The following PKHD1 variants were observed in gnomAD, a reference collection of about 807,000 sequenced individuals.
PKHD1 encodes fibrocystin.
Under a neutral mutation model 412.0 loss-of-function variants are expected in PKHD1, and 291 were observed. The observed-to-expected ratio is 0.71, with a 90% CI of 0.64 to 0.78. The LOEUF (loss-of-function observed/expected upper bound fraction) is 0.78. Ranked by LOEUF, PKHD1 falls within the 30% of genes least tolerant of loss-of-function variation. PKHD1 has a pLI of 0.00. For missense variants in PKHD1, 4,825 were observed against 4,950.7 expected (o/e 0.97, Z 0.76); for synonymous variants, 1,777 against 1,821.5 (o/e 0.98, Z 0.62).
intron 60 of PKHD1, among the ~76,000 whole-genome samples, chr6:51,719,382 C>G (rs564561194): frequency 6.6e-6 from 1 of 152,206 alleles, no homozygotes; most frequent in South Asian, 2.1e-4. Context: ...GGGTTTCTCA[C>G]CCTTGCCTAT....
chr6:51,625,281 G>A (rs554683763), intron 66 of PKHD1, among the ~76,000 whole-genome samples: 74 of 152,078 alleles, frequency 4.9e-4, no homozygotes, highest in Non-Finnish European at 8.2e-4. Flanking sequence ...AAACACAGAG[G>A]GAAAAGGGAA....
intron 55 of PKHD1, among the ~76,000 whole-genome samples, chr6:51,768,335 A>T (rs892086045): frequency 1.3e-5 from 2 of 152,064 alleles, no homozygotes; most frequent in African/African-American, 4.8e-5. Flanking sequence ...TAGATTTGAC[A>T]TCTTTAAAAT....
chr6:51,959,770 C>G, intron 36 of PKHD1, 100 bp downstream of exon 36: 1 of 1,103,076 alleles, frequency 9.1e-7, no homozygotes, highest in East Asian at 2.4e-5. Context: ...AAATTGTCAA[C>G]TAAGTTCTGG....
intron 35 of PKHD1, among the ~76,000 whole-genome samples, chr6:51,974,206 T>G (rs569796150): frequency 6.6e-6 from 1 of 152,284 alleles, no homozygotes; most frequent in South Asian, 2.1e-4. Context: ...AAAGTAGTGT[T>G]TGTTTGTTTG....
chr6:51,971,697 GT>G (rs970369082), intron 35 of PKHD1, among the ~76,000 whole-genome samples: 1 of 137,132 alleles, frequency 7.3e-6, no homozygotes, highest in African/African-American at 2.7e-5. Context: ...TTTTGGGTTG[GT>G]TTTTTTTGCT....
chr6:51,915,000 T>A (rs1289711337), intron 37 of PKHD1, among the ~76,000 whole-genome samples: 1 of 152,104 alleles, frequency 6.6e-6, no homozygotes, highest in Non-Finnish European at 1.5e-5. Flanking sequence ...ACATCTGGGA[T>A]TTAGGCATTC....
chr6:52,069,447 G>C lies in PKHD1; in HGVS notation c.778+10C>G, dbSNP rs1365502451. On this transcript the variant is annotated intron_variant, in intron 11 of 66. Coordinates refer to ENST00000371117, the MANE Select transcript of PKHD1 (RefSeq NM_138694.4). ...CAAGGGAAGGGGTACTTGGTGAAGG[G>C]GGATAGTACCTGAGTGTGTCTGGTA... 24 of 1,591,774 alleles carry C rather than the reference G, an allele frequency of 1.5e-5. No individual in the cohort carries two copies. Among genetic ancestry groups the C allele is most frequent in the Non-Finnish European group, 2.0e-5 (23 of 1,159,610 alleles).
At chr6:51,629,239 C>A (rs904813420) in intron 65 of PKHD1, among the ~76,000 whole-genome samples, 1 of 152,090 alleles carries the variant, frequency 6.6e-6, no homozygotes, top group East Asian at 1.9e-4. Context: ...TAAAGAGCTT[C>A]TTCACAGCAA....
chr6:51,834,309 A>T (rs1281537767), intron 51 of PKHD1, among the ~76,000 whole-genome samples: 1 of 152,176 alleles, frequency 6.6e-6, no homozygotes, highest in Non-Finnish European at 1.5e-5. Context: ...GGGCTGCCTG[A>T]TTCTCAGAGA....
intron 60 of PKHD1, among the ~76,000 whole-genome samples, chr6:51,735,428 T>C (rs1384194461): frequency 6.6e-6 from 1 of 152,224 alleles, no homozygotes; most frequent in African/African-American, 2.4e-5. Context: ...TGGAATGCAC[T>C]AGATAATGGC....
rs562086687 is a variant in PKHD1 at position 51,901,371 on chromosome 6, G to T, written c.6996+2226C>A. On this transcript the variant is annotated intron_variant, in intron 43 of 66. Coordinates refer to ENST00000371117, the MANE Select transcript of PKHD1 (RefSeq NM_138694.4). Reference sequence around the variant, plus strand: ...AATGATGAGTTCATGTCCTTTGTAGGGACATGGATGAAATTGGAAATCATC... The same window carrying T: ...AATGATGAGTTCATGTCCTTTGTAGTGACATGGATGAAATTGGAAATCATC... Among the ~76,000 whole-genome samples, 11 of 152,190 alleles carry T rather than the reference G, an allele frequency of 7.2e-5. No homozygotes were observed. In the South Asian group the frequency reaches 1.7e-3, roughly 23 times the overall value.
intron 63 of PKHD1, among the ~76,000 whole-genome samples, chr6:51,639,919 ACT>A (rs756340901): frequency 6.8e-4 from 104 of 152,310 alleles, no homozygotes; most frequent in Non-Finnish European, 1.3e-3. Flanking sequence ...TTGTGAAAAC[ACT>A]GTCTTTCTTC....
intron 55 of PKHD1, among the ~76,000 whole-genome samples, chr6:51,763,863 G>A (rs1213796897): frequency 6.6e-6 from 1 of 151,720 alleles, no homozygotes; most frequent in Non-Finnish European, 1.5e-5. Flanking sequence ...GTACAAGTAT[G>A]ATAATAAGTG....
intron 49 of PKHD1, among the ~76,000 whole-genome samples, chr6:51,855,181 T>C (rs1773059943): frequency 6.6e-6 from 1 of 152,244 alleles, no homozygotes; most frequent in Non-Finnish European, 1.5e-5. Flanking sequence ...CCCGTGTGGC[T>C]CTCAGGTGGG....
rs529028132 is a variant in PKHD1 at position 51,671,609 on chromosome 6, A to AGGAG, written c.10157-11644_10157-11641dup. Reference sequence around the variant, plus strand: ...CTGGTGAGGAACTGCGTTCCTTTGGAGGAGGAGAGGCGCTCTGCTTTTTAG... The same window carrying AGGAG: ...CTGGTGAGGAACTGCGTTCCTTTGGAGGAGGGAGGAGAGGCGCTCTGCTTTTTAG... On this transcript the variant is annotated intron_variant, in intron 60 of 66. Transcript: ENST00000371117. 2.2e-3 allele frequency among the ~76,000 whole-genome samples: 328 copies of AGGAG among 151,912 alleles called. 1 individual carries two copies. Among genetic ancestry groups the AGGAG allele is most frequent in the African/African-American group, 7.6e-3 (313 of 41,398 alleles).
At chr6:51,850,618 T>C (rs1002234554) in intron 49 of PKHD1, among the ~76,000 whole-genome samples, 1 of 152,148 alleles carries the variant, frequency 6.6e-6, no homozygotes, top group Non-Finnish European at 1.5e-5. Context: ...CACTGCTTGT[T>C]AGCTGTATAC....
At chr6:51,840,593 G>A (rs1301930329) in intron 50 of PKHD1, among the ~76,000 whole-genome samples, 2 of 152,142 alleles carry the variant, frequency 1.3e-5, no homozygotes, top group African/African-American at 2.4e-5. Flanking sequence ...CCCTGCCACA[G>A]ACCTACACAG....
At chr6:51,625,157 T>A (rs1490944128) in intron 66 of PKHD1, among the ~76,000 whole-genome samples, 1 of 152,186 alleles carries the variant, frequency 6.6e-6, no homozygotes, top group African/African-American at 2.4e-5. Context: ...CTAGTAGTCA[T>A]GCTCAGTTCC....
At chr6:51,680,039 G>C (rs1776422563) in intron 60 of PKHD1, among the ~76,000 whole-genome samples, 1 of 151,864 alleles carries the variant, frequency 6.6e-6, no homozygotes, top group Non-Finnish European at 1.5e-5. Context: ...TTGCAAAGTA[G>C]GAATAATAAT....
Sources: allele counts gnomAD v4.1 joint callset (sites outside exome capture counted in the v4.1 genomes callset), GRCh38; gene constraint gnomAD v4.1.1; transcripts MANE v1.5; gene names NCBI Gene and HGNC (gene_info 2026-07-23, HGNC 2026-07-21).